Variants in CENPE observed in about 807,000 individuals in gnomAD.
CENPE encodes centromere-associated protein E.
CENPE carries 145 observed loss-of-function variants against 336.1 expected under a neutral mutation model. The observed-to-expected ratio is 0.43, with a 90% CI of 0.38 to 0.50. The LOEUF (loss-of-function observed/expected upper bound fraction) is 0.50, where lower values mean the gene tolerates loss of function less well. Among genes scored for constraint, CENPE ranks in the 20% least tolerant of loss-of-function variants. The pLI is 0.00. For synonymous variants in CENPE, 1,013 were observed against 984.8 expected, an observed-to-expected ratio of 1.03 and a Z score of -0.54; for missense variants, 2,719 against 3,023.3, an observed-to-expected ratio of 0.90 and a Z score of 2.36.
intron 42 of CENPE, among the ~76,000 whole-genome samples, chr4:103,127,555 A>C (rs1751238060): frequency 6.6e-6 from 1 of 152,152 alleles, no homozygotes; most frequent in Admixed American, 6.5e-5. Context: ...ACAAAAACTT[A>C]TTTTCTTATT....
Position 103,140,276 on chromosome 4 carries a change from T to C in CENPE, c.5893A>G (p.Lys1965Glu). The change falls in exon 37 of 49, where the codon AAA becomes GAA. Residue 1965 changes from lysine to glutamate, a missense_variant. Coordinates refer to ENST00000265148, the MANE Select transcript of CENPE (RefSeq NM_001813.3). ...SDIQKDLDKS[K>E]DELQKKIQEL... is the part of the protein sequence containing the mutation. ...CATACCTTTTTCTGTAATTCATCTT[T>C]TGATTTATCTAAATCCTTTTGAATG... 5 of 1,595,692 alleles carry C rather than the reference T, an allele frequency of 3.1e-6. No individual in the cohort carries two copies. Among genetic ancestry groups the C allele is most frequent in the Middle Eastern group, 1.8e-4 (1 of 5,454 alleles).
At position 103,145,264 on chromosome 4, in the gene CENPE, T is replaced by A. The variant is rs1289006148; in HGVS notation, c.4643A>T (p.Asn1548Ile). The A allele has an allele frequency of 6.2e-7, 1 of 1,611,626 alleles. No individual in the cohort carries two copies. The highest frequency in any genetic ancestry group is 2.2e-5 in the East Asian group (1 of 44,814). The change falls in exon 32 of 49, where the codon AAT becomes ATT. Residue 1548 changes from asparagine (N) to isoleucine (I), a missense_variant. Physicochemically the swap from Asn to Ile is moderately radical, Grantham distance 149 (BLOSUM62 -3). Around this residue, in one of 5 missense-constraint regions of CENPE, gnomAD observed 2,437 missense variants for 2,513.3 expected, o/e 0.97. Transcript: ENST00000265148. ...ATGCTCCTTGAATTGTTTCAGTTCATTCACTTTTTCCTGAACCTCACTAAT... is the reference window on the plus strand; with the variant it reads ...ATGCTCCTTGAATTGTTTCAGTTCAATCACTTTTTCCTGAACCTCACTAAT... Reference protein sequence around the residue: ...KQISEVQEKVNELKQFKEHRK... With the variant: ...KQISEVQEKVIELKQFKEHRK...
intron 1 of CENPE, 145 bp from the exon 2 acceptor site, chr4:103,196,995 C>T: frequency 1.6e-6 from 1 of 641,668 alleles, no homozygotes; most frequent in Non-Finnish European, 2.8e-6. Flanking sequence ...GAGGATTCAA[C>T]TCTTAAATGG....
intron 38 of CENPE, 30 bp from the exon 39 acceptor site, chr4:103,138,479 C>A (rs1426402180): frequency 6.9e-7 from 1 of 1,453,530 alleles, no homozygotes; most frequent in South Asian, 1.1e-5. Context: ...ATAAACAGGG[C>A]TTTTGTCATG....
chr4:103,183,130 A>C (rs1756466612), intron 10 of CENPE, 71 bp downstream of exon 10: 1 of 1,180,416 alleles, frequency 8.5e-7, no homozygotes, highest in African/African-American at 1.5e-5. Flanking sequence ...AGTGTCATCG[A>C]AATGTTGCAA....
rs144716013 is a variant in CENPE, at chr4:103,158,691, C to G, written c.2797G>C (p.Asp933His). ...AAGCTTTCTTGGAGTTGTTTTAGAT[C>G]ATCTTTTTCTTGAGTTAAAGTTTTT... ...EVKTLTQEKD[D>H]LKQLQESLQI... Residue 933 changes from aspartate to histidine, a missense_variant, in exon 23 of 49, where the codon GAT (aspartate) becomes CAT (histidine). By Grantham distance (81) the Asp-to-His change is moderately conservative. Transcript: ENST00000265148. 1 of 1,612,466 alleles carries G rather than the reference C, an allele frequency of 6.2e-7. No individual in the cohort carries two copies. Among genetic ancestry groups the G allele is most frequent in the African/African-American group, 1.3e-5 (1 of 74,776 alleles).
At chr4:103,188,544 T>G (rs1414664880) in intron 8 of CENPE, among the ~76,000 whole-genome samples, 1 of 152,138 alleles carries the variant, frequency 6.6e-6, no homozygotes, top group Admixed American at 6.6e-5. Context: ...GAATGACTAC[T>G]GGGTACATAA....
At chr4:103,153,360 C>T in intron 24 of CENPE, 110 bp from the exon 25 acceptor site, 1 of 671,240 alleles carries the variant, frequency 1.5e-6, no homozygotes, top group Admixed American at 3.0e-5. Flanking sequence ...ATTCTCATAT[C>T]TTAACACATT....
intron 18 of CENPE, 119 bp downstream of exon 18, chr4:103,163,018 T>C (rs1754585123): frequency 2.9e-6 from 2 of 698,602 alleles, no homozygotes; most frequent in Non-Finnish European, 4.4e-6. Context: ...TAATGAAATA[T>C]ATATAAATTT....
chr4:103,153,999 A>G (rs1019336597), intron 24 of CENPE, among the ~76,000 whole-genome samples: 1 of 152,184 alleles, frequency 6.6e-6, no homozygotes, highest in Non-Finnish European at 1.5e-5. Context: ...TTCATAAATA[A>G]GTCACGACCA....
chr4:103,127,126 CG>C (rs1443513138), intron 42 of CENPE, among the ~76,000 whole-genome samples: 3 of 146,202 alleles, frequency 2.1e-5, no homozygotes, highest in African/African-American at 7.6e-5. Flanking sequence ...AAAAAACCCC[CG>C]AAAAAAAACC....
chr4:103,137,923 C>CT (rs1752203855), intron 39 of CENPE, among the ~76,000 whole-genome samples: 1 of 152,156 alleles, frequency 6.6e-6, no homozygotes, highest in Non-Finnish European at 1.5e-5. Flanking sequence ...AAAACTCAGT[C>CT]TTTTTTCATG....
At chr4:103,148,527 G>C (rs555354189) in intron 28 of CENPE, among the ~76,000 whole-genome samples, 1 of 152,136 alleles carries the variant, frequency 6.6e-6, no homozygotes, top group African/African-American at 2.4e-5. Context: ...TTTTAATACA[G>C]GTTGGCCCAG....
At chr4:103,124,697 A>G (rs769079436) in intron 42 of CENPE, among the ~76,000 whole-genome samples, 6 of 152,158 alleles carry the variant, frequency 3.9e-5, no homozygotes, top group Non-Finnish European at 7.3e-5. Flanking sequence ...TATCTTTTTT[A>G]CTTCCTAATT....
Position 103,123,109 on chromosome 4 carries a change from C to G in CENPE, c.6925-20G>C. 1 of 1,569,576 alleles carries G rather than the reference C, an allele frequency of 6.4e-7. No homozygotes were observed. The highest frequency in any genetic ancestry group is 8.8e-7 in the Non-Finnish European group (1 of 1,140,746). On this transcript the variant is annotated intron_variant, in intron 42 of 48. Coordinates refer to ENST00000265148, the MANE Select transcript of CENPE (RefSeq NM_001813.3). ...TATGGCCTATTGAACAGTAAAATAC[C>G]ATTATAGCTCTAAAACGATTTATAG...
chr4:103,145,477 C>T, intron 31 of CENPE, 46 bp downstream of exon 31: 3 of 1,544,144 alleles, frequency 1.9e-6, no homozygotes, highest in Non-Finnish European at 1.8e-6. Flanking sequence ...GTTAGCTACT[C>T]CAAACCCACC....
At position 103,133,721 on chromosome 4, in the gene CENPE, T is replaced by A; in HGVS notation, c.6694A>T (p.Asn2232Tyr). ...TCAATATGTAGATCCATATTCTGGT[T>A]CAATTTGAGATCCCTTAATTCTCTG... ...PSRELRDLKL[N>Y]QNMDLHIEEI... is the part of the protein sequence containing the mutation. The change falls in exon 41 of 49, where the codon AAC (asparagine) becomes TAC (tyrosine). Residue 2232 changes from asparagine (N) to tyrosine (Y), a missense_variant. This residue lies in a region of CENPE where 2,437 missense variants were observed against 2,513.3 expected (regional missense o/e 0.97). Transcript: ENST00000265148. 6.2e-7 allele frequency: 1 copy of A among 1,605,338 alleles called. No individual in the cohort carries two copies. The highest frequency in any genetic ancestry group is 1.1e-5 in the South Asian group (1 of 89,200).
chr4:103,135,981 T>C lies in CENPE; in HGVS notation c.6522+160A>G, dbSNP rs546634860. Among the ~76,000 whole-genome samples, 16 of 152,300 alleles carry C rather than the reference T, an allele frequency of 1.1e-4. No homozygotes were observed. In the East Asian group the frequency reaches 2.5e-3, roughly 24 times the overall value. ...TAGGCCCACAGGCAGAGTTCAGGTG[T>C]TGCTGATATCCTACATATTACTATG... On this transcript the variant is annotated intron_variant, in intron 40 of 48. Coordinates refer to ENST00000265148, the MANE Select transcript of CENPE (RefSeq NM_001813.3).
chr4:103,191,794 TA>T (rs927838183), intron 8 of CENPE, among the ~76,000 whole-genome samples: 1 of 150,036 alleles, frequency 6.7e-6, no homozygotes, highest in African/African-American at 2.5e-5. Flanking sequence ...TAAAGTATAA[TA>T]AAAAAATAAA....
Sources: gnomAD v4.1 joint callset for allele counts (sites outside exome capture counted in the v4.1 genomes callset) on GRCh38, gnomAD v4.1.1 for gene constraint, gnomAD v4.1.1 regional missense constraint, MANE v1.5 for transcripts, NCBI Gene and HGNC (gene_info 2026-07-23, HGNC 2026-07-21) for gene names.